The following METTL22 variants were observed in gnomAD, a reference collection of about 807,000 sequenced individuals.
METTL22 encodes methyltransferase-like protein 22.
METTL22 carries 51 observed loss-of-function variants against 48.4 expected under a neutral mutation model. The observed-to-expected ratio is 1.05, with a 90% CI of 0.84 to 1.33. The LOEUF (loss-of-function observed/expected upper bound fraction) is 1.33. METTL22 is among the 40% of genes most tolerant of loss of function. The pLI is 0.00. For synonymous variants in METTL22, 255 were observed against 214.1 expected (o/e 1.19, Z -1.67); for missense variants, 678 against 526.9 (o/e 1.29, Z -2.81).
chr16:8,640,502 G>A (rs1312523644), intron 6 of METTL22, among the ~76,000 whole-genome samples: 1 of 124,592 alleles, frequency 8.0e-6, no homozygotes, highest in African/African-American at 3.0e-5. Flanking sequence ...GATGGATGGA[G>A]GGAAGGGACA....
the METTL22 span, among the ~76,000 whole-genome samples, chr16:8,660,885 AGG>A: frequency 1.7e-5 from 2 of 114,452 alleles, no homozygotes; most frequent in African/African-American, 6.3e-5. Context: ...GAAGAGGAGG[AGG>A]AGGAGGAGGA....
chr16:8,649,814 TA>T (rs1202073721), downstream of METTL22, among the ~76,000 whole-genome samples: 596 of 4,850 alleles, frequency 0.12, 1 homozygote, highest in South Asian at 0.17. Flanking sequence ...CAAAAGAAAT[TA>T]AAAAAAAAAA....
At chr16:8,665,047 G>A in the METTL22 span, among the ~76,000 whole-genome samples, 2 of 152,150 alleles carry the variant, frequency 1.3e-5, no homozygotes, top group Non-Finnish European at 2.9e-5. Flanking sequence ...GCCCTGATGG[G>A]CCTGACTCTA....
intron 5 of METTL22, among the ~76,000 whole-genome samples, chr16:8,637,496 T>C (rs12325389): frequency 0.043 from 6,478 of 152,358 alleles, 454 homozygotes; most frequent in African/African-American, 0.15. Flanking sequence ...TCCTTTCAGA[T>C]GCATCAGTGC....
chr16:8,628,765 G>T lies in METTL22; in HGVS notation c.169G>T (p.Asp57Tyr). The change falls in exon 3 of 11, where the codon GAC becomes TAC. Residue 57 changes from aspartate (D) to tyrosine (Y), a missense_variant. Coordinates refer to ENST00000381920, the MANE Select transcript of METTL22 (RefSeq NM_024109.4). ...CCAATTCAAGCTTCTATGGAGCCAA[G>T]ACTCTTGGACAGATTCAGGAGCCAA... ...LSQFKLLWSQ[D>Y]SWTDSGAKGG... 6.2e-7 allele frequency: 1 copy of T among 1,613,872 alleles called. No homozygotes were observed. Among genetic ancestry groups the T allele is most frequent in the South Asian group, 1.1e-5 (1 of 91,058 alleles).
chr16:8,647,941 A>G lies in METTL22; in HGVS notation c.*1798A>G, dbSNP rs1481935156. 2.6e-5 allele frequency: 4 copies of G among 152,262 alleles called. No homozygotes were observed. Among genetic ancestry groups the G allele is most frequent in the Admixed American group, 6.5e-5 (1 of 15,278 alleles). 9.4% of individuals were successfully genotyped at this position (152,262 alleles called of 1,614,324 possible). The stretch of plus-strand genomic sequence containing the variant: ...TCAGGTTTAGAGCCCATGTCCACCC[A>G]TGTCCATCTGACTCCTGAGCCTGTG... On this transcript the variant is annotated 3_prime_UTR_variant, in exon 11 of 11. Transcript: ENST00000381920.
chr16:8,632,607 G>A (rs1218384833), intron 3 of METTL22, among the ~76,000 whole-genome samples: 1 of 152,200 alleles, frequency 6.6e-6, no homozygotes, highest in Non-Finnish European at 1.5e-5. Context: ...CTGTGCAAGG[G>A]CTGGGGTCCT....
rs777455767 is a variant in METTL22, at chr16:8,641,204, G to A, written c.826+20G>A. 8.1e-6 allele frequency: 13 copies of A among 1,613,050 alleles called. 1 individual carries two copies. The South Asian group carries it at 8.8e-5, about 11-fold the overall frequency. On this transcript the variant is annotated intron_variant, in intron 7 of 10. Transcript: ENST00000381920. The stretch of plus-strand genomic sequence containing the variant: ...GCACAGGTGTGTGTTTCTCTCGGAC[G>A]TCCCCCAGTATGATTCAGTGATTCC...
chr16:8,666,304 A>G, the METTL22 span, among the ~76,000 whole-genome samples: 3 of 152,282 alleles, frequency 2.0e-5, no homozygotes, highest in East Asian at 1.9e-4. Context: ...GTGTTCCCCA[A>G]TGGAACGGAG....
the METTL22 span, among the ~76,000 whole-genome samples, chr16:8,655,200 A>T: frequency 5.1e-4 from 78 of 152,362 alleles, no homozygotes; most frequent in African/African-American, 1.7e-3. Flanking sequence ...GGCTTAGTTT[A>T]ACTGGGTGCC....
At chr16:8,658,218 C>G in the METTL22 span, among the ~76,000 whole-genome samples, 2 of 152,280 alleles carry the variant, frequency 1.3e-5, no homozygotes, top group African/African-American at 4.8e-5. Context: ...TGAAGGAGCA[C>G]CCGGGATCAC....
At chr16:8,633,739 A>G (rs1596345623) in intron 3 of METTL22, among the ~76,000 whole-genome samples, 1 of 152,238 alleles carries the variant, frequency 6.6e-6, no homozygotes, top group South Asian at 2.1e-4. Flanking sequence ...CGAAGCTGTC[A>G]TTGGGTGATT....
In METTL22 at chr16:8,623,647, T is replaced by G. The variant is rs372727239; in HGVS notation, c.-170-1849T>G. ...CATTGATTTGCCAGATTCACAGACT[T>G]TCTTTACAACCCACTTGCATTTTGA... On this transcript the variant is annotated intron_variant, in intron 1 of 10. Transcript: ENST00000381920. 8.3e-4 allele frequency: 126 copies of G among 152,352 alleles called. 1 individual carries two copies. Among genetic ancestry groups the G allele is most frequent in the African/African-American group, 3.0e-3 (123 of 41,580 alleles). 9.4% of individuals were successfully genotyped at this position (152,352 alleles called of 1,614,324 possible). A position where few individuals can be genotyped will look rare whatever the true frequency, so the allele number is the denominator to read the frequency against.
At chr16:8,638,850 C>T (rs978787331) in intron 5 of METTL22, among the ~76,000 whole-genome samples, 1 of 152,194 alleles carries the variant, frequency 6.6e-6, no homozygotes, top group African/African-American at 2.4e-5. Context: ...AGCTCACACT[C>T]CTTCCCTCTG....
rs1299844032 is a variant in METTL22, at chr16:8,648,097, G to A, written c.*1954G>A. The A allele has an allele frequency of 6.6e-6, 1 of 152,326 alleles. No individual in the cohort carries two copies. The highest frequency in any genetic ancestry group is 1.5e-5 in the Non-Finnish European group (1 of 68,118). 9.4% of individuals were successfully genotyped at this position (152,326 alleles called of 1,614,324 possible). A position where few individuals can be genotyped will look rare whatever the true frequency, so the allele number is the denominator to read the frequency against. On this transcript the variant is annotated 3_prime_UTR_variant, in exon 11 of 11. Transcript: ENST00000381920. ...CCGATACTTTGGGAGGCCAAGGCAG[G>A]AGGATCAATTAAGGCCAGGAGTTCA...
the METTL22 span, among the ~76,000 whole-genome samples, chr16:8,657,468 G>A: frequency 6.6e-6 from 1 of 152,194 alleles, no homozygotes; most frequent in Admixed American, 6.5e-5. Context: ...AGCTTTGCCT[G>A]TGGTTTCAGC....
intron 9 of METTL22, 67 bp from the exon 10 acceptor site, chr16:8,644,490 G>A: frequency 6.8e-7 from 1 of 1,465,062 alleles, no homozygotes; most frequent in Non-Finnish European, 9.2e-7. Flanking sequence ...AAAGCAAGGT[G>A]GGCAGAAACA....
chr16:8,661,644 CAAA>C, the METTL22 span, among the ~76,000 whole-genome samples: 2 of 110,584 alleles, frequency 1.8e-5, no homozygotes, highest in African/African-American at 3.7e-5. Flanking sequence ...GACTCCGTCT[CAAA>C]AAAAAAAAAA....
the METTL22 span, among the ~76,000 whole-genome samples, chr16:8,661,055 C>G: frequency 1.3e-5 from 2 of 152,146 alleles, no homozygotes; most frequent in Admixed American, 6.6e-5. Context: ...TTCTCCTCCC[C>G]CAGGTTCCGC....
Sources: allele counts gnomAD v4.1 joint callset (sites outside exome capture counted in the v4.1 genomes callset), GRCh38; gene constraint gnomAD v4.1.1; transcripts MANE v1.5; gene names NCBI Gene and HGNC (gene_info 2026-07-23, HGNC 2026-07-21).